Variants in NTNG2 observed in about 807,000 individuals in gnomAD.
NTNG2 encodes the protein netrin-G2.
A neutral mutation model predicts 47.6 loss-of-function variants in NTNG2; 15 were observed. The observed-to-expected ratio is 0.32, with a 90% confidence interval of 0.21 to 0.49. The LOEUF is 0.49. Ranked by LOEUF, NTNG2 falls within the 20% of genes least tolerant of loss-of-function variation. The probability of loss-of-function intolerance (pLI) is 0.99; values close to 1 mark genes in which losing one functional copy is unlikely to be tolerated. For missense variants in NTNG2, 578 were observed against 764.6 expected, an observed-to-expected ratio of 0.76 and a Z score of 2.88; for synonymous variants, 307 against 324.6, an observed-to-expected ratio of 0.95 and a Z score of 0.58.
At position 132,231,247 on chromosome 9, in the gene NTNG2, A is replaced by G. The variant is rs1448903122; in HGVS notation, c.1054+652A>G. On this transcript the variant is annotated intron_variant, in intron 5 of 7. Transcript: ENST00000393229. This position sits in a 1 kb window ranked among gnomAD's most constrained non-coding sequence, Gnocchi z 4.1. Reference sequence around the variant, plus strand: ...CAGGTTATCAGTAAATGTCATCGAGACTGTCCCCAGACACTCACAGGGTGC... The same window carrying G: ...CAGGTTATCAGTAAATGTCATCGAGGCTGTCCCCAGACACTCACAGGGTGC... 2.2e-6 allele frequency: 1 copy of G among 453,568 alleles called. No homozygotes were observed. 28.1% of individuals were successfully genotyped at this position (453,568 alleles called of 1,614,324 possible). A position where few individuals can be genotyped will look rare whatever the true frequency, so the allele number is the denominator to read the frequency against.
intron 2 of NTNG2, among the ~76,000 whole-genome samples, chr9:132,172,722 A>ATTTTTTTTTTTTTTTTT (rs35406789): frequency 1.2e-5 from 1 of 83,500 alleles, no homozygotes; most frequent in Non-Finnish European, 2.2e-5. Context: ...TCAGGGCTGT[A>ATTTTTTTTTTTTTTTTT]TTTTTTTTTT....
chr9:132,206,780 C>T (rs1839200723), intron 3 of NTNG2, among the ~76,000 whole-genome samples: 1 of 152,268 alleles, frequency 6.6e-6, no homozygotes, highest in Non-Finnish European at 1.5e-5. Flanking sequence ...TCTCCCAGGC[C>T]CCCTGAGCTA....
chr9:132,169,616 G>A (rs1350798601), intron 2 of NTNG2, among the ~76,000 whole-genome samples: 1 of 152,198 alleles, frequency 6.6e-6, no homozygotes, highest in Non-Finnish European at 1.5e-5. Flanking sequence ...CACCCACCAG[G>A]CGGCACAGCC....
Position 132,198,114 on chromosome 9 carries a change from C to T in NTNG2, c.362C>T (p.Ala121Val). Residue 121 changes from alanine (A) to valine (V), a missense_variant, in exon 3 of 8, where the codon GCC (alanine) becomes GTC (valine). Physicochemically the swap from Ala to Val is moderately conservative, Grantham distance 64. Coordinates refer to ENST00000393229, the MANE Select transcript of NTNG2 (RefSeq NM_032536.4). ...TWSRYPSPLE[A>V]NITLSWNKTV... is the part of the protein sequence containing the mutation. ...AGCCGCTACCCCAGCCCGCTGGAAG[C>T]CAACATCACCCTTTCGTGGAACAAG... 6.2e-7 allele frequency: 1 copy of T among 1,613,880 alleles called. No homozygotes were observed.
intron 3 of NTNG2, among the ~76,000 whole-genome samples, chr9:132,212,891 C>T (rs1416233922): frequency 1.3e-5 from 2 of 152,078 alleles, no homozygotes; most frequent in African/African-American, 4.8e-5. Flanking sequence ...CTGCCCATCT[C>T]CCCACACTGC....
intron 2 of NTNG2, among the ~76,000 whole-genome samples, chr9:132,172,213 C>CT (rs1835979725): frequency 6.6e-6 from 1 of 152,180 alleles, no homozygotes; most frequent in South Asian, 2.1e-4. Context: ...ACCCTGGCTC[C>CT]TTTTTCAAGG....
intron 3 of NTNG2, among the ~76,000 whole-genome samples, chr9:132,214,451 A>G (rs1211155163): frequency 2.6e-5 from 4 of 152,192 alleles, no homozygotes; most frequent in South Asian, 2.1e-4. Flanking sequence ...CACGTTTCCC[A>G]GAGAACTGGT....
At chr9:132,186,931 A>G (rs1837433689) in intron 2 of NTNG2, among the ~76,000 whole-genome samples, 3 of 152,258 alleles carry the variant, frequency 2.0e-5, no homozygotes, top group African/African-American at 7.2e-5. Flanking sequence ...TCACACTCAC[A>G]GAAGGTTCTG....
intron 5 of NTNG2, 64 bp from the exon 6 acceptor site, chr9:132,239,040 C>A: frequency 6.5e-7 from 1 of 1,545,316 alleles, no homozygotes; most frequent in Non-Finnish European, 8.9e-7. Context: ...CCTTCCTCGC[C>A]CTGTCCCTCA....
At chr9:132,169,014 T>G (rs1835695748) in intron 2 of NTNG2, among the ~76,000 whole-genome samples, 1 of 152,132 alleles carries the variant, frequency 6.6e-6, no homozygotes, top group Non-Finnish European at 1.5e-5. Flanking sequence ...TGGGCGGCTG[T>G]TCTGGGGAGG....
chr9:132,199,800 G>C (rs1235872869), intron 3 of NTNG2, among the ~76,000 whole-genome samples: 1 of 152,188 alleles, frequency 6.6e-6, no homozygotes, highest in Non-Finnish European at 1.5e-5. Flanking sequence ...GAATGTGCAG[G>C]GTGTGGACAA....
chr9:132,241,322 G>C, intron 7 of NTNG2: 1 of 496,490 alleles, frequency 2.0e-6, no homozygotes, highest in Non-Finnish European at 3.6e-6. Flanking sequence ...GGGCCGACCC[G>C]GGGGCGGTGG....
chr9:132,174,441 T>C (rs1010928718), intron 2 of NTNG2, among the ~76,000 whole-genome samples: 2 of 152,014 alleles, frequency 1.3e-5, no homozygotes, highest in African/African-American at 4.8e-5. Context: ...AGGGAGGAGA[T>C]GGGGCCCGGG....
intron 2 of NTNG2, among the ~76,000 whole-genome samples, chr9:132,185,332 C>T (rs1184480398): frequency 1.3e-5 from 2 of 152,150 alleles, no homozygotes; most frequent in African/African-American, 2.4e-5. Flanking sequence ...CCAGAAAAGG[C>T]CCCCAGGATC....
chr9:132,241,844 C>G, intron 7 of NTNG2, 32 bp from the exon 8 acceptor site: 1 of 1,476,498 alleles, frequency 6.8e-7, no homozygotes, highest in African/African-American at 1.5e-5. Flanking sequence ...GACCGGGCCA[C>G]CCCCCGTGCT....
intron 7 of NTNG2, 101 bp downstream of exon 7, chr9:132,241,145 A>C: frequency 1.5e-6 from 2 of 1,324,622 alleles, no homozygotes; most frequent in South Asian, 1.5e-5. Flanking sequence ...GGGGCGGTGG[A>C]CTGGGCCTAG....
chr9:132,208,453 G>C lies in NTNG2; in HGVS notation c.857+9844G>C, dbSNP rs942745482. Among the ~76,000 whole-genome samples, 7 of 152,184 alleles carry C rather than the reference G, an allele frequency of 4.6e-5. No homozygotes were observed. The highest frequency in any genetic ancestry group is 3.3e-4 in the Admixed American group (5 of 15,290). ...TTCCGGTGTTTGGAAATCTGAGTTG[G>C]GGGTGGCGGTGCTGGAGGCCTGCAG... is the stretch of plus-strand genomic sequence containing the variant. On this transcript the variant is annotated intron_variant, in intron 3 of 7. Transcript: ENST00000393229. This position sits in a 1 kb window ranked among gnomAD's most constrained non-coding sequence, Gnocchi z 4.0.
intron 3 of NTNG2, among the ~76,000 whole-genome samples, chr9:132,201,868 C>A (rs1158201153): frequency 6.6e-6 from 1 of 152,170 alleles, no homozygotes; most frequent in Non-Finnish European, 1.5e-5. Flanking sequence ...GATCCCCACC[C>A]CCTGGAGCGC....
Position 132,163,330 on chromosome 9 carries a change from C to A in NTNG2, c.-484+1091C>A, listed in dbSNP as rs1301510526. 1.3e-5 allele frequency among the ~76,000 whole-genome samples: 2 copies of A among 151,568 alleles called. No individual in the cohort carries two copies. Among genetic ancestry groups the A allele is most frequent in the Non-Finnish European group, 3.0e-5 (2 of 67,796 alleles). On this transcript the variant is annotated intron_variant, in intron 1 of 7. Coordinates refer to ENST00000393229, the MANE Select transcript of NTNG2 (RefSeq NM_032536.4). This position sits in a 1 kb window ranked among gnomAD's most constrained non-coding sequence, Gnocchi z 7.2. ...GGACCCACCCGGGAGCTGCTGCTCG[C>A]GCCCCGCCTCCCGCGCCCAACTTTC...
Sources: gnomAD v4.1 joint callset for allele counts (sites outside exome capture counted in the v4.1 genomes callset) on GRCh38, gnomAD v4.1.1 for gene constraint, Gnocchi (gnomAD v3.1) non-coding constraint, MANE v1.5 for transcripts, NCBI Gene and HGNC (gene_info 2026-07-23, HGNC 2026-07-21) for gene names.